The following ESR1 variants were observed in gnomAD, a reference collection of about 807,000 sequenced individuals.
The protein encoded by ESR1 is estrogen receptor 1.
A neutral mutation model predicts 52.7 loss-of-function variants in ESR1; 12 were observed. The ratio of observed to expected loss-of-function variants is 0.23; its 90% CI spans 0.15 to 0.37. ESR1 has a LOEUF of 0.37. ESR1 is among the 10% of genes least tolerant of loss of function. ESR1 has a pLI of 1.00. For missense variants in ESR1, 584 were observed against 779.7 expected, an observed-to-expected ratio of 0.75 and a Z score of 2.99; for synonymous variants, 305 against 316.8, an observed-to-expected ratio of 0.96 and a Z score of 0.39.
chr6:152,001,734 A>T (rs563147201), intron 4 of ESR1, among the ~76,000 whole-genome samples: 46 of 152,104 alleles, frequency 3.0e-4, no homozygotes, highest in African/African-American at 1.1e-3. Context: ...CTGACTTCAA[A>T]GGTGGGGTGG....
rs181928849 is a variant in ESR1, at chr6:151,928,903, A to C, written c.761-15270A>C. ...TTCTGTTGATTTCTAATTTATTTCC[A>C]ATTTGGTGTGAGAGCCTACTTTGTA... is the stretch of plus-strand genomic sequence containing the variant. On this transcript the variant is annotated intron_variant, in intron 3 of 7. Transcript: ENST00000206249. 3.6e-3 allele frequency among the ~76,000 whole-genome samples: 546 copies of C among 152,022 alleles called. 2 individuals are homozygous for C. Among genetic ancestry groups the C allele is most frequent in the African/African-American group, 0.011 (463 of 41,474 alleles).
intron 2 of ESR1, among the ~76,000 whole-genome samples, chr6:151,734,915 C>A (rs11155808): frequency 0.48 from 73,408 of 151,656 alleles, 19,208 homozygotes; most frequent in Non-Finnish European, 0.58. Flanking sequence ...AAACACCACC[C>A]CACCTCCAAC....
intron 2 of ESR1, among the ~76,000 whole-genome samples, chr6:151,753,351 ACT>A (rs1400127786): frequency 1.4e-5 from 2 of 145,130 alleles, no homozygotes; most frequent in Non-Finnish European, 3.0e-5. Context: ...ACAAGGTCTG[ACT>A]CTCGCCCAGG....
At chr6:152,097,283 G>A (rs1352448879) in intron 7 of ESR1, among the ~76,000 whole-genome samples, 1 of 151,974 alleles carries the variant, frequency 6.6e-6, no homozygotes, top group African/African-American at 2.4e-5. Flanking sequence ...CCAGCCATAT[G>A]TTGCTACTCA....
At chr6:151,881,429 T>C (rs984617652) in intron 3 of ESR1, among the ~76,000 whole-genome samples, 3 of 152,152 alleles carry the variant, frequency 2.0e-5, no homozygotes, top group African/African-American at 7.2e-5. Context: ...GTTTTCTGTC[T>C]TCTCATGTAT....
intron 1 of ESR1, among the ~76,000 whole-genome samples, chr6:151,834,803 G>A (rs1482992882): frequency 6.6e-6 from 1 of 152,116 alleles, no homozygotes; most frequent in Non-Finnish European, 1.5e-5. Context: ...GCTGAGACAG[G>A]GAGGTCCTGG....
chr6:151,984,254 G>A (rs2128687178), intron 4 of ESR1: 1 of 152,054 alleles, frequency 6.6e-6, no homozygotes, highest in South Asian at 2.1e-4. Context: ...TGTCTCATCA[G>A]GTGTTTCTAT....
intron 6 of ESR1, among the ~76,000 whole-genome samples, chr6:152,124,958 C>T (rs900577082): frequency 6.6e-6 from 1 of 152,212 alleles, no homozygotes; most frequent in African/African-American, 2.4e-5. Context: ...CACAGCAGTC[C>T]TCTGCGGTGT....
intron 2 of ESR1, among the ~76,000 whole-genome samples, chr6:151,867,454 T>C (rs1790141322): frequency 6.9e-6 from 1 of 144,102 alleles, no homozygotes; most frequent in Admixed American, 6.8e-5. Context: ...AACAACCCCA[T>C]CAAAAAGTGG....
chr6:152,034,833 G>A (rs950407585), intron 5 of ESR1, among the ~76,000 whole-genome samples: 1 of 152,140 alleles, frequency 6.6e-6, no homozygotes, highest in Non-Finnish European at 1.5e-5. Context: ...ATGGGTACAA[G>A]CAAACACAGC....
chr6:151,670,130 T>G (rs986147443), intron 1 of ESR1, among the ~76,000 whole-genome samples: 2 of 152,208 alleles, frequency 1.3e-5, no homozygotes, highest in African/African-American at 4.8e-5. Flanking sequence ...CCGCTGCCAT[T>G]TGCACATCTT....
chr6:151,692,195 T>G (rs1323390909), intron 1 of ESR1, among the ~76,000 whole-genome samples: 1 of 152,228 alleles, frequency 6.6e-6, no homozygotes, highest in Non-Finnish European at 1.5e-5. Flanking sequence ...GATAACTCTG[T>G]GTCTTTTTGT....
At chr6:152,064,879 C>A (rs2047843948) in intron 6 of ESR1, among the ~76,000 whole-genome samples, 1 of 152,168 alleles carries the variant, frequency 6.6e-6, no homozygotes, top group African/African-American at 2.4e-5. Context: ...TCATGCTCTT[C>A]AGTGCTCCAC....
intron 2 of ESR1, among the ~76,000 whole-genome samples, chr6:151,791,772 A>G (rs1176331860): frequency 1.3e-5 from 2 of 152,236 alleles, no homozygotes; most frequent in Admixed American, 6.5e-5. Context: ...ATATTGTTCT[A>G]TATTTCAGAT....
intron 1 of ESR1, among the ~76,000 whole-genome samples, chr6:151,682,525 C>A (rs1336047093): frequency 6.6e-6 from 1 of 152,124 alleles, no homozygotes; most frequent in Non-Finnish European, 1.5e-5. Context: ...AAATGACTAT[C>A]CCAATTTATT....
At position 151,850,029 on chromosome 6, in the gene ESR1, T is replaced by G. The variant is rs3931723; in HGVS notation, c.643+7242T>G. On this transcript the variant is annotated intron_variant, in intron 2 of 7. Coordinates refer to ENST00000206249, the MANE Select transcript of ESR1 (RefSeq NM_000125.4). The stretch of plus-strand genomic sequence containing the variant: ...ATAATTTTGTATATATATACAAAAT[T>G]ATATATATATATAATTTTATATATA... Among the ~76,000 whole-genome samples, 6 of 109,538 alleles carry G rather than the reference T, an allele frequency of 5.5e-5. No homozygotes were observed. In the East Asian group the frequency reaches 2.5e-3, roughly 46 times the overall value. The allele number at this position is 109,538 out of a possible 152,430, so 71.9% of individuals were successfully genotyped here.
intron 6 of ESR1, among the ~76,000 whole-genome samples, chr6:152,111,770 G>A (rs2051139081): frequency 6.6e-6 from 1 of 152,092 alleles, no homozygotes. Context: ...CTTTACACGT[G>A]GTCTCAGTGC....
chr6:151,955,481 A>G (rs1471091855), intron 4 of ESR1, among the ~76,000 whole-genome samples: 1 of 152,216 alleles, frequency 6.6e-6, no homozygotes, highest in Non-Finnish European at 1.5e-5. Context: ...AAAATAGGAT[A>G]AAAATGATAT....
intron 2 of ESR1, among the ~76,000 whole-genome samples, chr6:151,855,935 C>G (rs564088200): frequency 4.6e-4 from 70 of 152,268 alleles, no homozygotes; most frequent in African/African-American, 1.6e-3. Context: ...CTCAATTCTG[C>G]ATGTGTGATA....
Sources: gnomAD v4.1 joint callset for allele counts (sites outside exome capture counted in the v4.1 genomes callset) on GRCh38, gnomAD v4.1.1 for gene constraint, MANE v1.5 for transcripts, NCBI Gene and HGNC (gene_info 2026-07-23, HGNC 2026-07-21) for gene names.